The following NPAS3 variants were observed in gnomAD, a reference collection of about 807,000 sequenced individuals.
The protein encoded by NPAS3 is neuronal PAS domain protein 3.
NPAS3 carries 14 observed loss-of-function variants against 73.1 expected under a neutral mutation model. The observed-to-expected ratio is 0.19, with a 90% CI of 0.13 to 0.30. The LOEUF is 0.30. NPAS3 is among the 10% of genes least tolerant of loss of function. The probability of loss-of-function intolerance (pLI) is 1.00; values close to 1 mark genes in which losing one functional copy is unlikely to be tolerated. For missense variants in NPAS3, 1,096 were observed against 1,250.0 expected (o/e 0.88, Z 1.86); for synonymous variants, 620 against 541.5 (o/e 1.14, Z -2.01).
At chr14:33,122,742 C>A (rs919275403) in intron 2 of NPAS3, among the ~76,000 whole-genome samples, 1 of 152,006 alleles carries the variant, frequency 6.6e-6, no homozygotes. Context: ...TCTCAAATAT[C>A]CTACACCTTA....
At chr14:33,201,612 A>G (rs1433309301) in intron 2 of NPAS3, among the ~76,000 whole-genome samples, 2 of 152,240 alleles carry the variant, frequency 1.3e-5, no homozygotes, top group Admixed American at 6.5e-5. Flanking sequence ...TGTGACAGGC[A>G]GGCAACAGGA....
intron 5 of NPAS3, among the ~76,000 whole-genome samples, chr14:33,628,442 A>G (rs758447463): frequency 6.6e-6 from 1 of 152,236 alleles, no homozygotes; most frequent in Non-Finnish European, 1.5e-5. Context: ...TTGTGGATCA[A>G]TTGTGCCAGA....
chr14:33,064,975 T>C (rs4982040), intron 2 of NPAS3, among the ~76,000 whole-genome samples: 62,988 of 152,078 alleles, frequency 0.41, 13,388 homozygotes, highest in Non-Finnish European at 0.46. Context: ...CATGGTCAGT[T>C]TCCATAGAGA....
At chr14:33,513,113 C>T (rs536892208) in intron 4 of NPAS3, among the ~76,000 whole-genome samples, 8 of 151,934 alleles carry the variant, frequency 5.3e-5, no homozygotes, top group Admixed American at 2.0e-4. Flanking sequence ...ACGTTAGGAC[C>T]GTTCACTCAT....
chr14:33,453,763 C>T (rs1215993503), intron 4 of NPAS3, among the ~76,000 whole-genome samples: 1 of 152,186 alleles, frequency 6.6e-6, no homozygotes, highest in Admixed American at 6.5e-5. Flanking sequence ...TAAAATCATC[C>T]TCCTTACCTG....
chr14:33,107,790 T>C (rs765396721), intron 2 of NPAS3, among the ~76,000 whole-genome samples: 32 of 152,306 alleles, frequency 2.1e-4, no homozygotes, highest in South Asian at 6.2e-4. Context: ...TTTTATTCTC[T>C]AATTCTCTTA....
intron 4 of NPAS3, among the ~76,000 whole-genome samples, chr14:33,412,380 AAAGTGTTGGGAT>A (rs1179151787): frequency 3.9e-5 from 6 of 152,098 alleles, no homozygotes; most frequent in Non-Finnish European, 7.4e-5. Context: ...TCAGCTTCCC[AAAGTGTTGGGAT>A]TACAGATGTG....
intron 3 of NPAS3, among the ~76,000 whole-genome samples, chr14:33,290,365 G>C (rs769986718): frequency 6.6e-6 from 1 of 152,154 alleles, no homozygotes; most frequent in Non-Finnish European, 1.5e-5. Context: ...TAGGAAATAC[G>C]GCAAAACTAG....
chr14:33,571,131 G>A (rs1288977956), intron 5 of NPAS3, among the ~76,000 whole-genome samples: 1 of 152,172 alleles, frequency 6.6e-6, no homozygotes, highest in African/African-American at 2.4e-5. Context: ...GGATCCTTTT[G>A]TCTGTTAGAC....
chr14:33,443,705 AC>A (rs1346559426), intron 4 of NPAS3, among the ~76,000 whole-genome samples: 1 of 152,226 alleles, frequency 6.6e-6, no homozygotes, highest in Non-Finnish European at 1.5e-5. Flanking sequence ...TCACGCTGTG[AC>A]TGAGAAGGAG....
At chr14:32,938,485 T>TGGAGAGAGAGAGAGAGAGAGAG (rs1491191135), upstream of NPAS3, among the ~76,000 whole-genome samples, 1 of 21,748 alleles carries the variant, frequency 4.6e-5, no homozygotes, top group African/African-American at 2.7e-4. Context: ...GAGAGAGAAA[T>TGGAGAGAGAGAGAGAGAGAGAG]TGAGAGAGAG....
intron 4 of NPAS3, among the ~76,000 whole-genome samples, chr14:33,395,568 AT>A (rs1473703799): frequency 6.6e-6 from 1 of 152,048 alleles, no homozygotes; most frequent in Admixed American, 6.6e-5. Flanking sequence ...ATATGCGTGT[AT>A]ACATACATAC....
At chr14:33,631,450 T>C (rs974702343) in intron 5 of NPAS3, among the ~76,000 whole-genome samples, 1 of 152,110 alleles carries the variant, frequency 6.6e-6, no homozygotes, top group Non-Finnish European at 1.5e-5. Context: ...ACCCCATAGG[T>C]CTCCATTTTG....
At chr14:33,695,609 T>A (rs939854702) in intron 6 of NPAS3, among the ~76,000 whole-genome samples, 1 of 152,196 alleles carries the variant, frequency 6.6e-6, no homozygotes, top group East Asian at 1.9e-4. Context: ...AGCACTCCAA[T>A]AGTTCAATAT....
chr14:33,351,750 G>A (rs920414135), intron 3 of NPAS3, among the ~76,000 whole-genome samples: 1 of 152,118 alleles, frequency 6.6e-6, no homozygotes. Context: ...AATAAATGTT[G>A]CTATTATTCC....
At chr14:33,389,824 G>C (rs1328342167) in intron 4 of NPAS3, among the ~76,000 whole-genome samples, 1 of 152,094 alleles carries the variant, frequency 6.6e-6, no homozygotes, top group African/African-American at 2.4e-5. Context: ...GAGGAATGTT[G>C]TTCCTCTCTT....
chr14:33,774,122 A>G (rs1427778965), intron 7 of NPAS3, among the ~76,000 whole-genome samples: 1 of 152,218 alleles, frequency 6.6e-6, no homozygotes, highest in Non-Finnish European at 1.5e-5. Flanking sequence ...CACCATAAGA[A>G]TGCTGCCTTG....
intron 3 of NPAS3, among the ~76,000 whole-genome samples, chr14:33,268,513 T>C (rs903345840): frequency 6.6e-6 from 1 of 152,186 alleles, no homozygotes; most frequent in African/African-American, 2.4e-5. Flanking sequence ...TTGCTATGGA[T>C]TTCTTTATTT....
intron 3 of NPAS3, among the ~76,000 whole-genome samples, chr14:33,305,061 C>A (rs1282088612): frequency 6.6e-6 from 1 of 151,826 alleles, no homozygotes; most frequent in Non-Finnish European, 1.5e-5. Flanking sequence ...AATTACATTG[C>A]CCTGGAGAAA....
Sources: gnomAD v4.1 joint callset for allele counts (sites outside exome capture counted in the v4.1 genomes callset) on GRCh38, gnomAD v4.1.1 for gene constraint, MANE v1.5 for transcripts, NCBI Gene and HGNC (gene_info 2026-07-23, HGNC 2026-07-21) for gene names.